RIMS3: variants seen among roughly 807,000 people sequenced by gnomAD.
The protein encoded by RIMS3 is regulating synaptic membrane exocytosis 3.
A neutral mutation model predicts 29.2 loss-of-function variants in RIMS3; 15 were observed. The ratio of observed to expected loss-of-function variants is 0.51; its 90% CI spans 0.34 to 0.79. RIMS3 has a LOEUF of 0.79. Ranked by LOEUF, RIMS3 falls within the 30% of genes least tolerant of loss-of-function variation. The pLI, the probability that RIMS3 is intolerant of heterozygous loss-of-function variation, is 0.01. For synonymous variants in RIMS3, 161 were observed against 170.1 expected, an observed-to-expected ratio of 0.95 and a Z score of 0.41; for missense variants, 342 against 421.4, an observed-to-expected ratio of 0.81 and a Z score of 1.65.
the RIMS3 span, among the ~76,000 whole-genome samples, chr1:40,676,667 AC>A: frequency 6.6e-6 from 1 of 152,102 alleles, no homozygotes; most frequent in Non-Finnish European, 1.5e-5. Context: ...AAGAATTTGA[AC>A]AAAAAAAGTT....
Position 40,636,281 on chromosome 1 carries a change from G to C in RIMS3, c.218-224C>G, listed in dbSNP as rs1646519267. The stretch of plus-strand genomic sequence containing the variant: ...GCAGTGACACTGACAGAGCAGACTA[G>C]AAAGATGGCTGCAGGCAGAGTCATG... On this transcript the variant is annotated intron_variant, in intron 3 of 7. Coordinates refer to ENST00000372684, the MANE Select transcript of RIMS3 (RefSeq NM_014747.3). This position sits in a 1 kb window ranked among gnomAD's most constrained non-coding sequence, Gnocchi z 4.2. 1.3e-5 allele frequency among the ~76,000 whole-genome samples: 2 copies of C among 152,204 alleles called. No individual in the cohort carries two copies. The highest frequency in any genetic ancestry group is 1.3e-4 in the Admixed American group (2 of 15,288).
At chr1:40,648,492 C>T (rs1351753556) in intron 1 of RIMS3, among the ~76,000 whole-genome samples, 1 of 152,214 alleles carries the variant, frequency 6.6e-6, no homozygotes, top group African/African-American at 2.4e-5. Context: ...TTAACAAATC[C>T]CCTGAGCCTA....
At chr1:40,678,279 A>G in the RIMS3 span, among the ~76,000 whole-genome samples, 1 of 152,120 alleles carries the variant, frequency 6.6e-6, no homozygotes, top group Non-Finnish European at 1.5e-5. Context: ...GTAGTGGCGC[A>G]CGCCTGTAAT....
upstream of RIMS3, among the ~76,000 whole-genome samples, chr1:40,670,574 TTATATATATATATATATATA>T (rs553412097): frequency 4.1e-4 from 29 of 71,188 alleles, 2 homozygotes; most frequent in Admixed American, 1.5e-3. Flanking sequence ...AGTTATAATT[TTATATATATATATATATATA>T]TATATATATA....
intron 1 of RIMS3, among the ~76,000 whole-genome samples, chr1:40,655,841 T>C (rs1296316679): frequency 6.6e-6 from 1 of 152,142 alleles, no homozygotes; most frequent in African/African-American, 2.4e-5. Flanking sequence ...CCCGTCTGGA[T>C]GGTCAAACTA....
chr1:40,635,800 G>T lies in RIMS3; in HGVS notation c.359+116C>A. The T allele has an allele frequency of 1.5e-6, 2 of 1,363,946 alleles. No homozygotes were observed. Among genetic ancestry groups the T allele is most frequent in the Non-Finnish European group, 2.0e-6 (2 of 986,226 alleles). 84.5% of individuals were successfully genotyped at this position (1,363,946 alleles called of 1,614,324 possible). A position where few individuals can be genotyped will look rare whatever the true frequency, so the allele number is the denominator to read the frequency against. On this transcript the variant is annotated intron_variant, in intron 4 of 7. Transcript: ENST00000372684. This position sits in a 1 kb window ranked among gnomAD's most constrained non-coding sequence, Gnocchi z 4.1. ...GTATGAAGGAAGGCAGAGACACAGAGGACCCAGACATTTTAGCTGGAAACA... is the reference window on the plus strand; with the variant it reads ...GTATGAAGGAAGGCAGAGACACAGATGACCCAGACATTTTAGCTGGAAACA...
the RIMS3 span, among the ~76,000 whole-genome samples, chr1:40,674,357 C>A: frequency 1.3e-5 from 2 of 152,180 alleles, no homozygotes; most frequent in Non-Finnish European, 2.9e-5. Flanking sequence ...GGAAAAGCTG[C>A]CCAGACCACA....
the RIMS3 span, among the ~76,000 whole-genome samples, chr1:40,685,200 C>A: frequency 6.6e-6 from 1 of 151,240 alleles, no homozygotes; most frequent in East Asian, 1.9e-4. Flanking sequence ...GTCCTCTTTC[C>A]CTTCATGTTA....
chr1:40,639,159 A>T (rs1481562716), intron 3 of RIMS3, among the ~76,000 whole-genome samples: 1 of 152,202 alleles, frequency 6.6e-6, no homozygotes, highest in Non-Finnish European at 1.5e-5. Context: ...CAGAAGACAG[A>T]GTCCAGGAGA....
At position 40,665,598 on chromosome 1, in the gene RIMS3, C is replaced by T. The variant is rs1212756449; in HGVS notation, c.-411G>A. On this transcript the variant is annotated 5_prime_UTR_variant, in exon 1 of 8. Coordinates refer to ENST00000372684, the MANE Select transcript of RIMS3 (RefSeq NM_014747.3). ...GGGAGGCTCACGGGGGCATCGCCCG[C>T]CACCACGGGGGCAGCTCCGCTCCGC... 6.6e-6 allele frequency: 1 copy of T among 152,172 alleles called. No homozygotes were observed. Among genetic ancestry groups the T allele is most frequent in the African/African-American group, 2.4e-5 (1 of 41,460 alleles). The allele number at this position is 152,172 out of a possible 1,614,324, so 9.4% of individuals were successfully genotyped here.
At chr1:40,634,474 T>C (rs899619871) in intron 4 of RIMS3, among the ~76,000 whole-genome samples, 1 of 152,198 alleles carries the variant, frequency 6.6e-6, no homozygotes, top group African/African-American at 2.4e-5. Flanking sequence ...GGATATAGTG[T>C]GGAGATTGTG....
At chr1:40,670,989 A>T in the RIMS3 span, among the ~76,000 whole-genome samples, 1 of 152,144 alleles carries the variant, frequency 6.6e-6, no homozygotes, top group South Asian at 2.1e-4. Context: ...TGCAATGAGG[A>T]GCATGGATTA....
chr1:40,668,491 C>CGGGGGGGGGGGGGTGGGGGGGGGGGGG (rs1642453020), upstream of RIMS3, among the ~76,000 whole-genome samples: 1 of 51,586 alleles, frequency 1.9e-5, no homozygotes, highest in Non-Finnish European at 3.5e-5. Flanking sequence ...GGGTTGTGGG[C>CGGGGGGGGGGGGGTGGGGGGGGGGGGG]GGGGGGGGGG....
chr1:40,663,435 A>G (rs1642380583), intron 1 of RIMS3, among the ~76,000 whole-genome samples: 1 of 152,092 alleles, frequency 6.6e-6, no homozygotes, highest in African/African-American at 2.4e-5. Flanking sequence ...GAGTTCTCAC[A>G]TGGCACTAAT....
the RIMS3 span, among the ~76,000 whole-genome samples, chr1:40,679,197 T>G: frequency 3.3e-5 from 5 of 152,120 alleles, no homozygotes; most frequent in Non-Finnish European, 7.4e-5. Flanking sequence ...CCACCACTGC[T>G]GGAAAGGCTG....
intron 4 of RIMS3, 22 bp from the exon 5 acceptor site, chr1:40,633,203 C>A: frequency 6.3e-7 from 1 of 1,595,254 alleles, no homozygotes; most frequent in Non-Finnish European, 8.6e-7. Context: ...GGCAGAGGGA[C>A]GCGTGAGGGG....
rs937377823 is a variant in RIMS3 at position 40,629,052 on chromosome 1, T to C, written c.575-103A>G. ...TGATCTTGGAGGTGAGCAGGATGTG[T>C]GGAATGAGCCAGCCAGTGGACAGCA... On this transcript the variant is annotated intron_variant, in intron 6 of 7. Transcript: ENST00000372684. The C allele has an allele frequency of 5.5e-6, 8 of 1,456,762 alleles. No homozygotes were observed. The African/African-American group carries it at 8.4e-5, about 15-fold the overall frequency. The allele number at this position is 1,456,762 out of a possible 1,614,324, so 90.2% of individuals were successfully genotyped here. A position where few individuals can be genotyped will look rare whatever the true frequency, so the allele number is the denominator to read the frequency against.
the RIMS3 span, among the ~76,000 whole-genome samples, chr1:40,679,115 G>T: frequency 1.8e-4 from 28 of 152,164 alleles, no homozygotes; most frequent in African/African-American, 6.3e-4. Context: ...AGAGGTCACT[G>T]GGGCCTGCAG....
chr1:40,651,283 A>C (rs1646630455), intron 1 of RIMS3, among the ~76,000 whole-genome samples: 1 of 152,208 alleles, frequency 6.6e-6, no homozygotes, highest in South Asian at 2.1e-4. Context: ...GGCCACGTGA[A>C]GACAGACACG....
Sources: allele counts gnomAD v4.1 joint callset (sites outside exome capture counted in the v4.1 genomes callset), GRCh38; gene constraint gnomAD v4.1.1; non-coding constraint Gnocchi (gnomAD v3.1); transcripts MANE v1.5; gene names NCBI Gene and HGNC (gene_info 2026-07-23, HGNC 2026-07-21).